The following PCDHA10 variants were observed in gnomAD, a reference collection of about 807,000 sequenced individuals.
PCDHA10 encodes the protein protocadherin alpha 10.
A neutral mutation model predicts 61.2 loss-of-function variants in PCDHA10; 45 were observed. The observed-to-expected ratio is 0.74, with a 90% confidence interval of 0.58 to 0.94. The LOEUF (loss-of-function observed/expected upper bound fraction) is 0.94. Ranked by LOEUF, PCDHA10 falls within the 40% of genes least tolerant of loss-of-function variation. The pLI is 0.00. For synonymous variants in PCDHA10, 602 were observed against 548.8 expected, an observed-to-expected ratio of 1.10 and a Z score of -1.35; for missense variants, 1,278 against 1,236.2, an observed-to-expected ratio of 1.03 and a Z score of -0.51.
chr5:141,009,878 A>G lies in PCDHA10; in HGVS notation c.2788A>G (p.Asn930Asp). Residue 930 changes from asparagine to aspartate, a missense_variant, in exon 4 of 4, where the codon AAC (asparagine) becomes GAC (aspartate). Coordinates refer to ENST00000307360, the MANE Select transcript of PCDHA10 (RefSeq NM_018901.4). ...TKKKKKKKKG[N>D]KTQEKKEKGN... ...GAAAAAGAAGAAAAAGAAGAAGGGT[A>G]ACAAGACCCAGGAGAAAAAAGAGAA... is the stretch of plus-strand genomic sequence containing the variant. 4 of 1,613,898 alleles carry G rather than the reference A, an allele frequency of 2.5e-6. No homozygotes were observed. Among genetic ancestry groups the G allele is most frequent in the South Asian group, 1.1e-5 (1 of 91,050 alleles).
chr5:140,863,250 C>T, intron 1 of PCDHA10: 1 of 1,410,418 alleles, frequency 7.1e-7, no homozygotes, highest in Non-Finnish European at 9.7e-7. Context: ...TGGCGGGCGT[C>T]GAGGTCCGGG....
At chr5:140,873,816 A>G (rs1419963733) in intron 1 of PCDHA10, among the ~76,000 whole-genome samples, 3 of 151,528 alleles carry the variant, frequency 2.0e-5, no homozygotes, top group East Asian at 3.9e-4. Context: ...ATGCACCACC[A>G]CTCCTGGCTA....
chr5:141,004,948 C>G (rs1356526927), intron 3 of PCDHA10, among the ~76,000 whole-genome samples: 1 of 152,236 alleles, frequency 6.6e-6, no homozygotes, highest in Non-Finnish European at 1.5e-5. Context: ...TTCTTACCCT[C>G]TCTCGTCACT....
At chr5:140,921,538 A>C (rs572073676) in intron 1 of PCDHA10, among the ~76,000 whole-genome samples, 2 of 152,344 alleles carry the variant, frequency 1.3e-5, no homozygotes, top group Admixed American at 6.5e-5. Flanking sequence ...CTGATAGAAC[A>C]TTCTGCAAAA....
intron 1 of PCDHA10, among the ~76,000 whole-genome samples, chr5:140,890,852 C>G (rs2153432069): frequency 6.6e-6 from 1 of 152,254 alleles, no homozygotes; most frequent in South Asian, 2.1e-4. Flanking sequence ...TGTTTCTCTT[C>G]CTTACTTCTT....
intron 3 of PCDHA10, among the ~76,000 whole-genome samples, chr5:141,008,680 T>C (rs2098386787): frequency 6.6e-6 from 1 of 152,220 alleles, no homozygotes; most frequent in Non-Finnish European, 1.5e-5. Flanking sequence ...ATACTTTAGT[T>C]ATTGCATGTA....
At chr5:140,861,457 A>T (rs2046932948) in intron 1 of PCDHA10, 1 of 493,524 alleles carries the variant, frequency 2.0e-6, no homozygotes, top group African/African-American at 2.0e-5. Flanking sequence ...AACCTTCTGG[A>T]GGTAAATCTG....
rs1562832308 is a variant in PCDHA10 at position 140,887,757 on chromosome 5, CAT to C, written c.2388+29324_2388+29325del. 3.3e-5 allele frequency among the ~76,000 whole-genome samples: 5 copies of C among 152,284 alleles called. No homozygotes were observed. In the East Asian group the frequency reaches 9.6e-4, roughly 29 times the overall value. On this transcript the variant is annotated intron_variant, in intron 1 of 3. Transcript: ENST00000307360. ...CATCCTTTCTGAGACTCCAGTAACA[CAT>C]ATGTTACAATGACACAGGTCATTGA...
chr5:140,963,861 G>A (rs2095794580), intron 1 of PCDHA10, among the ~76,000 whole-genome samples: 1 of 152,172 alleles, frequency 6.6e-6, no homozygotes, highest in Admixed American at 6.5e-5. Flanking sequence ...ATAACCGTAT[G>A]AGTTTTGCTT....
intron 1 of PCDHA10, chr5:140,928,628 T>G: frequency 6.2e-7 from 1 of 1,614,222 alleles, no homozygotes; most frequent in Non-Finnish European, 8.5e-7. Context: ...ACTGGACACT[T>G]GGTCACAAAA....
intron 1 of PCDHA10, among the ~76,000 whole-genome samples, chr5:140,906,089 A>G (rs13182228): frequency 0.33 from 49,632 of 151,980 alleles, 8,394 homozygotes; most frequent in East Asian, 0.53. Flanking sequence ...CCAGACTGAG[A>G]GTAAGTGTGT....
In PCDHA10 at chr5:140,928,350, T is replaced by C. The variant is rs144619371; in HGVS notation, c.2389-50599T>C. The C allele has an allele frequency of 1.3e-5, 21 of 1,614,098 alleles. No homozygotes were observed. The African/African-American group carries it at 2.1e-4, about 16-fold the overall frequency. On this transcript the variant is annotated intron_variant, in intron 1 of 3. Coordinates refer to ENST00000307360, the MANE Select transcript of PCDHA10 (RefSeq NM_018901.4). ...GCCTTGTCTCTTATGAGCTGTTGGA[T>C]GTTATCTCTGAAGGGCCATCAGCCT...
At chr5:140,862,719 C>A (rs2047508176) in intron 1 of PCDHA10, 3 of 565,388 alleles carry the variant, frequency 5.3e-6, no homozygotes, top group Admixed American at 1.9e-5. Context: ...TGGGCGAGTG[C>A]GCGCTGTCTA....
Position 140,899,596 on chromosome 5 carries a change from G to A in PCDHA10, c.2388+41160G>A, listed in dbSNP as rs567280301. On this transcript the variant is annotated intron_variant, in intron 1 of 3. Transcript: ENST00000307360. ...ATTCGGTTTGCCAGTATTTTATTGA[G>A]GACTTTTGCATCAATGTTCATCAAG... Among the ~76,000 whole-genome samples the A allele has an allele frequency of 7.2e-5, 11 of 152,196 alleles. No individual in the cohort carries two copies. In the East Asian group the frequency reaches 2.1e-3, roughly 29 times the overall value.
At chr5:140,882,806 T>G in intron 1 of PCDHA10, 2 of 1,614,218 alleles carry the variant, frequency 1.2e-6, no homozygotes, top group Non-Finnish European at 1.7e-6. Flanking sequence ...TTATTTCACT[T>G]TGGACGCACA....
At chr5:140,967,059 C>T in intron 1 of PCDHA10, 1 of 1,612,750 alleles carries the variant, frequency 6.2e-7, no homozygotes, top group Non-Finnish European at 8.5e-7. Flanking sequence ...ACGAGTGGAG[C>T]GCTCTTCGTC....
chr5:140,988,387 T>G (rs1337322360), intron 3 of PCDHA10, among the ~76,000 whole-genome samples: 1 of 152,202 alleles, frequency 6.6e-6, no homozygotes, highest in Non-Finnish European at 1.5e-5. Flanking sequence ...CTCATTGTGT[T>G]TGCCAGAGTT....
At chr5:140,863,196 G>T (rs782500346) in intron 1 of PCDHA10, 2 of 874,852 alleles carry the variant, frequency 2.3e-6, no homozygotes, top group Non-Finnish European at 3.6e-6. Context: ...TGGTGGCGTC[G>T]CTGGCGGAGA....
intron 1 of PCDHA10, chr5:140,928,069 A>C (rs782427256): frequency 6.2e-7 from 1 of 1,614,180 alleles, no homozygotes; most frequent in Non-Finnish European, 8.5e-7. Context: ...TTCCTTTGAC[A>C]ACTACTACAG....
Sources: allele counts gnomAD v4.1 joint callset (sites outside exome capture counted in the v4.1 genomes callset), GRCh38; gene constraint gnomAD v4.1.1; transcripts MANE v1.5; gene names NCBI Gene and HGNC (gene_info 2026-07-23, HGNC 2026-07-21).